Variants in PTPRH observed in about 807,000 individuals in gnomAD.
PTPRH encodes receptor-type tyrosine-protein phosphatase H.
In PTPRH, 113 loss-of-function variants were observed where a neutral mutation model predicts 130.2. The ratio of observed to expected loss-of-function variants is 0.87; its 90% CI spans 0.75 to 1.01. The LOEUF (loss-of-function observed/expected upper bound fraction) is 1.01. Ranked by LOEUF, PTPRH falls within the 50% of genes least tolerant of loss-of-function variation. PTPRH has a pLI of 0.00. For missense variants in PTPRH, 1,430 were observed against 1,425.0 expected (o/e 1.00, Z -0.06); for synonymous variants, 556 against 577.9 (o/e 0.96, Z 0.54).
chr19:55,189,237 C>T (rs1159940155), intron 12 of PTPRH, among the ~76,000 whole-genome samples: 1 of 152,204 alleles, frequency 6.6e-6, no homozygotes, highest in Non-Finnish European at 1.5e-5. Context: ...CCTCCCGCCT[C>T]GGCCTCCCAA....
In PTPRH at chr19:55,203,895, G is replaced by A. The variant is rs1273523364; in HGVS notation, c.773C>T (p.Thr258Ile). Residue 258 changes from threonine (T) to isoleucine (I), a missense_variant, in exon 5 of 20, where the codon ACA (threonine) becomes ATA (isoleucine). Coordinates refer to ENST00000376350, the MANE Select transcript of PTPRH (RefSeq NM_002842.5). ...GCCATCCACGGTGACTCTGGTGTCT[G>A]TTGTGTTTCGAGTCTCTGTTCTGCC... ...DGGRTETRNT[T>I]DTRVTVDGLG... 3.1e-6 allele frequency: 5 copies of A among 1,614,210 alleles called. No homozygotes were observed. In the African/African-American group the frequency reaches 6.7e-5, roughly 22 times the overall value.
rs200823688 is a variant in PTPRH at position 55,188,038 on chromosome 19, C to A, written c.2475+40G>T. On this transcript the variant is annotated intron_variant, in intron 13 of 19. Transcript: ENST00000376350. ...GGTGGGGGGTGGGGGTCTGGGCCAC[C>A]GGAGGGAGACTGAGCTCAGCCCCTC... 4,656 of 1,551,696 alleles carry A rather than the reference C, an allele frequency of 3.0e-3. 38 individuals are homozygous for A. Among genetic ancestry groups the A allele is most frequent in the South Asian group, 0.014 (1,243 of 89,794 alleles).
At chr19:55,198,278 C>T (rs1202460037) in intron 8 of PTPRH, among the ~76,000 whole-genome samples, 1 of 152,124 alleles carries the variant, frequency 6.6e-6, no homozygotes, top group African/African-American at 2.4e-5. Flanking sequence ...GAGTGGGACC[C>T]ACCGTGCCTA....
In PTPRH at chr19:55,203,990, C is replaced by T; in HGVS notation, c.678G>A (p.Leu226=). 6.2e-7 allele frequency: 1 copy of T among 1,614,196 alleles called. No homozygotes were observed. Among genetic ancestry groups the T allele is most frequent in the South Asian group, 1.1e-5 (1 of 91,086 alleles). The change falls in exon 5 of 20, where the codon CTG becomes CTA. Residue 226 remains leucine (L), a synonymous_variant. Coordinates refer to ENST00000376350, the MANE Select transcript of PTPRH (RefSeq NM_002842.5). ...CTGTGCCATCGGGGACCTCCCAGCT[C>T]AGGGAGATGGAGCTGGTGGTCTGAG... is the stretch of plus-strand genomic sequence containing the variant. ...VEAQTTSSIS[L]SWEVPDGTDP... is the part of the protein sequence containing the mutation.
intron 12 of PTPRH, among the ~76,000 whole-genome samples, chr19:55,191,283 G>C (rs2086527260): frequency 6.6e-6 from 1 of 152,212 alleles, no homozygotes; most frequent in Non-Finnish European, 1.5e-5. Context: ...ATGAATGAAT[G>C]TCCGGGAGTT....
chr19:55,201,157 G>T (rs2086851633), intron 6 of PTPRH, among the ~76,000 whole-genome samples: 1 of 152,100 alleles, frequency 6.6e-6, no homozygotes, highest in African/African-American at 2.4e-5. Context: ...GAGGTAGGGA[G>T]ATTGCTTGAG....
intron 18 of PTPRH, among the ~76,000 whole-genome samples, chr19:55,183,200 C>T (rs1176752603): frequency 7.0e-6 from 1 of 143,066 alleles, no homozygotes; most frequent in Non-Finnish European, 1.5e-5. Context: ...TTGAGACCAT[C>T]CTGGCCAATA....
At chr19:55,208,916 G>A (rs1360140146) in intron 1 of PTPRH, among the ~76,000 whole-genome samples, 1 of 101,794 alleles carries the variant, frequency 9.8e-6, no homozygotes, top group African/African-American at 4.1e-5. Context: ...TCCCGGGTCT[G>A]AGGGAGGAGG....
Position 55,200,437 on chromosome 19 carries a change from C to A in PTPRH, c.1219G>T (p.Glu407Ter). 1 of 1,614,122 alleles carries A rather than the reference C, an allele frequency of 6.2e-7. No homozygotes were observed. The highest frequency in any genetic ancestry group is 8.5e-7 in the Non-Finnish European group (1 of 1,180,024). Residue 407 changes from glutamate to a stop codon, truncating the protein, a stop_gained, in exon 7 of 20, where the codon GAA (glutamate) becomes TAA (stop). Transcript: ENST00000376350. LOFTEE classifies it high-confidence loss of function. ...QTNSSIALCWEVPDGPYPQDY... is the reference protein window; with the variant it reads ...QTNSSIALCW ...TGAGGGTATGGGCCATCGGGGACTT[C>A]CCAGCATAGGGCGATGGAGCTGTTG...
Position 55,187,616 on chromosome 19 carries a change from G to A in PTPRH, c.2476-13C>T, listed in dbSNP as rs749368269. On this transcript the variant is annotated splice_polypyrimidine_tract_variant and intron_variant, in intron 13 of 19. Transcript: ENST00000376350. ...CCAGGGAGAGTTGCTGGGGATGCAG[G>A]GAGAGGGGGTACCTGGTGTTGGATT... The A allele has an allele frequency of 2.5e-6, 4 of 1,595,208 alleles. No individual in the cohort carries two copies. In the East Asian group the frequency reaches 8.9e-5, roughly 36 times the overall value.
chr19:55,206,598 TAAAG>T, intron 3 of PTPRH, 87 bp downstream of exon 3: 1 of 1,327,002 alleles, frequency 7.5e-7, no homozygotes. Context: ...TCTATCCAAC[TAAAG>T]AACCTGTCGC....
In PTPRH at chr19:55,187,502, C is replaced by G; in HGVS notation, c.2566+11G>C. On this transcript the variant is annotated intron_variant, in intron 14 of 19. Coordinates refer to ENST00000376350, the MANE Select transcript of PTPRH (RefSeq NM_002842.5). ...GGGCTGGGACAAAAGCAGCAGGAAC[C>G]CGAGACTCACAGGGCAGCACATTTC... 1 of 1,607,448 alleles carries G rather than the reference C, an allele frequency of 6.2e-7. No homozygotes were observed. Among genetic ancestry groups the G allele is most frequent in the Non-Finnish European group, 8.5e-7 (1 of 1,174,576 alleles).
chr19:55,191,787 T>C lies in PTPRH; in HGVS notation c.2258-46A>G, dbSNP rs765867172. 6.0e-6 allele frequency: 9 copies of C among 1,493,770 alleles called. No individual in the cohort carries two copies. In the South Asian group the frequency reaches 1.0e-4, roughly 17 times the overall value. 92.5% of individuals were successfully genotyped at this position (1,493,770 alleles called of 1,614,324 possible). ...GAACCCTCAGAGCGCAGGTCTGAGC[T>C]GCTCATCTGTCTCCAACCCTGCCCA... On this transcript the variant is annotated intron_variant, in intron 10 of 19. Coordinates refer to ENST00000376350, the MANE Select transcript of PTPRH (RefSeq NM_002842.5).
Position 55,202,084 on chromosome 19 carries a change from G to A in PTPRH, c.1125C>T (p.Ser375=). ...SVWVGKNGIN[S]SRETRNATTA... ...TGGTGGCATTTCGAGTCTCCCGGGA[G>A]CTGTTGATTCCATTCTTCCCCACCC... Residue 375 remains serine (S), a synonymous_variant, in exon 6 of 20, where the codon AGC becomes AGT. Transcript: ENST00000376350. 3 of 1,614,192 alleles carry A rather than the reference G, an allele frequency of 1.9e-6. No individual in the cohort carries two copies. The highest frequency in any genetic ancestry group is 2.5e-6 in the Non-Finnish European group (3 of 1,180,036).
chr19:55,188,013 G>T, intron 13 of PTPRH, 65 bp downstream of exon 13: 1 of 1,021,642 alleles, frequency 9.8e-7, no homozygotes, highest in Non-Finnish European at 1.4e-6. Flanking sequence ...CTGGCCAGGG[G>T]GTGGGGGGTG....
In PTPRH at chr19:55,197,211, C is replaced by T. The variant is rs754935354; in HGVS notation, c.1896G>A (p.Val632=). 10 of 1,614,148 alleles carry T rather than the reference C, an allele frequency of 6.2e-6. No homozygotes were observed. Among genetic ancestry groups the T allele is most frequent in the Non-Finnish European group, 8.5e-6 (10 of 1,180,064 alleles). ...TSRTNETWYK[V]EALEPGTLYN... ...ACAACGTCCCGGGTTCCAGGGCCTC[C>T]ACTTTGTACCACGTCTCATTGGTCC... The change falls in exon 9 of 20, where the codon GTG becomes GTA. Residue 632 remains valine, a synonymous_variant. Coordinates refer to ENST00000376350, the MANE Select transcript of PTPRH (RefSeq NM_002842.5).
chr19:55,196,511 G>A lies in PTPRH; in HGVS notation c.2257+11C>T. 1 of 1,603,750 alleles carries A rather than the reference G, an allele frequency of 6.2e-7. No homozygotes were observed. The highest frequency in any genetic ancestry group is 8.5e-7 in the Non-Finnish European group (1 of 1,175,056). On this transcript the variant is annotated intron_variant, in intron 10 of 19. Coordinates refer to ENST00000376350, the MANE Select transcript of PTPRH (RefSeq NM_002842.5). ...TCATCATAGCTGGCTGGCCCGCGCG[G>A]CTCCGCTCACCTGCACTCTCGGTGT...
intron 14 of PTPRH, 23 bp from the exon 15 acceptor site, chr19:55,186,563 G>GA: frequency 9.1e-7 from 1 of 1,103,778 alleles, no homozygotes. Flanking sequence ...GCCAGCATTA[G>GA]CCAGGCAGAG....
At chr19:55,193,927 C>T in intron 10 of PTPRH, 1 of 286,360 alleles carries the variant, frequency 3.5e-6, no homozygotes, top group Non-Finnish European at 6.9e-6. Context: ...CGGCTCACCG[C>T]AACCTCCGCC....
Sources: gnomAD v4.1 joint callset for allele counts (sites outside exome capture counted in the v4.1 genomes callset) on GRCh38, gnomAD v4.1.1 for gene constraint, MANE v1.5 for transcripts, NCBI Gene and HGNC (gene_info 2026-07-23, HGNC 2026-07-21) for gene names.